The following PTPRG variants were observed in gnomAD, a reference collection of about 807,000 sequenced individuals.
The protein encoded by PTPRG is protein tyrosine phosphatase receptor type G, also known as receptor-type tyrosine-protein phosphatase gamma.
In PTPRG, 102 loss-of-function variants were observed where a neutral mutation model predicts 165.3. The ratio of observed to expected loss-of-function variants is 0.62; its 90% CI spans 0.53 to 0.73. The LOEUF is 0.73. Ranked by LOEUF, PTPRG falls within the 30% of genes least tolerant of loss-of-function variation. The probability of loss-of-function intolerance (pLI) is 0.00; values close to 1 mark genes in which losing one functional copy is unlikely to be tolerated. For synonymous variants in PTPRG, 675 were observed against 669.5 expected, an observed-to-expected ratio of 1.01 and a Z score of -0.13; for missense variants, 1,866 against 1,861.4, an observed-to-expected ratio of 1.00 and a Z score of -0.05.
At chr3:62,012,919 T>G (rs1335152368) in intron 4 of PTPRG, among the ~76,000 whole-genome samples, 2 of 152,222 alleles carry the variant, frequency 1.3e-5, no homozygotes, top group Non-Finnish European at 2.9e-5. Context: ...GGGTATACTT[T>G]TTATCTGGAT....
At chr3:61,959,433 C>T (rs1410374127) in intron 2 of PTPRG, among the ~76,000 whole-genome samples, 2 of 152,168 alleles carry the variant, frequency 1.3e-5, no homozygotes, top group African/African-American at 4.8e-5. Flanking sequence ...CTCAGATCAT[C>T]AGGCACGTGC....
chr3:61,703,457 G>A (rs951037718), intron 1 of PTPRG, among the ~76,000 whole-genome samples: 4 of 152,186 alleles, frequency 2.6e-5, no homozygotes, highest in African/African-American at 9.7e-5. Flanking sequence ...TCGTAGTATG[G>A]GCATTAATGG....
At chr3:61,969,088 G>A (rs1341630524) in intron 2 of PTPRG, among the ~76,000 whole-genome samples, 1 of 152,100 alleles carries the variant, frequency 6.6e-6, no homozygotes, top group Non-Finnish European at 1.5e-5. Flanking sequence ...CCTTATTATG[G>A]GAATGTAGTA....
chr3:62,196,221 G>T (rs1253735443), intron 10 of PTPRG, among the ~76,000 whole-genome samples: 1 of 151,456 alleles, frequency 6.6e-6, no homozygotes, highest in Non-Finnish European at 1.5e-5. Flanking sequence ...GTGAAACCCC[G>T]TCTCTACTAA....
chr3:61,905,737 G>A (rs189936135), intron 2 of PTPRG, among the ~76,000 whole-genome samples: 1 of 152,308 alleles, frequency 6.6e-6, no homozygotes, highest in Non-Finnish European at 1.5e-5. Context: ...TCTATGGTGG[G>A]ATAAACAGGG....
At chr3:62,129,807 C>G (rs1703447545) in intron 5 of PTPRG, among the ~76,000 whole-genome samples, 1 of 152,104 alleles carries the variant, frequency 6.6e-6, no homozygotes, top group Non-Finnish European at 1.5e-5. Flanking sequence ...ATCAGAGTAT[C>G]TGAGAAACAT....
intron 2 of PTPRG, among the ~76,000 whole-genome samples, chr3:61,765,688 T>C (rs929186107): frequency 2.0e-5 from 3 of 152,210 alleles, no homozygotes; most frequent in South Asian, 2.1e-4. Flanking sequence ...TCCAGCTTTT[T>C]GTCAAGTGTC....
At chr3:62,154,085 C>G (rs545575868) in intron 6 of PTPRG, among the ~76,000 whole-genome samples, 1 of 152,316 alleles carries the variant, frequency 6.6e-6, no homozygotes, top group African/African-American at 2.4e-5. Context: ...TGGACTAAAT[C>G]GATGGTTTTC....
intron 2 of PTPRG, among the ~76,000 whole-genome samples, chr3:61,881,457 C>A (rs912218407): frequency 1.3e-5 from 2 of 152,146 alleles, no homozygotes; most frequent in Admixed American, 6.5e-5. Flanking sequence ...AACACAGCAG[C>A]AATCGATGAA....
Position 62,224,162 on chromosome 3 carries a change from C to G in PTPRG, c.2288+5179C>G, listed in dbSNP as rs562554447. Among the ~76,000 whole-genome samples, 22 of 152,148 alleles carry G rather than the reference C, an allele frequency of 1.4e-4. No homozygotes were observed. Among genetic ancestry groups the G allele is most frequent in the African/African-American group, 4.8e-4 (20 of 41,496 alleles). On this transcript the variant is annotated intron_variant, in intron 13 of 29. Coordinates refer to ENST00000474889, the MANE Select transcript of PTPRG (RefSeq NM_002841.4). This position sits in a 1 kb window ranked among gnomAD's most constrained non-coding sequence, Gnocchi z 4.9. ...TAAATAACTGGGTTAAAGACATGAC[C>G]CCACTCCCACCCGCAACCCCAGGAA...
intron 2 of PTPRG, among the ~76,000 whole-genome samples, chr3:61,979,048 A>T (rs1446465092): frequency 3.3e-5 from 5 of 152,244 alleles, no homozygotes; most frequent in African/African-American, 1.2e-4. Context: ...AGAAGATAAA[A>T]TGTAGAAAGT....
At chr3:61,712,137 G>A (rs138761519) in intron 1 of PTPRG, among the ~76,000 whole-genome samples, 44 of 152,026 alleles carry the variant, frequency 2.9e-4, no homozygotes, top group African/African-American at 1.0e-3. Context: ...TAGGTGACCC[G>A]CCTGCCTTGG....
intron 1 of PTPRG, among the ~76,000 whole-genome samples, chr3:61,575,151 G>A (rs1337398877): frequency 1.3e-5 from 2 of 152,204 alleles, no homozygotes; most frequent in Non-Finnish European, 1.5e-5. Context: ...CACGTCAGTT[G>A]CTAGTGAAGT....
rs537785675 is a variant in PTPRG, at chr3:62,281,471, AGGGATG to A, written c.3766-89_3766-84del. ...AATTCAGTTTAAACGATGGCTTGAG[AGGGATG>A]GGAAATGACAAAATCCGTATGCAAG... is the stretch of plus-strand genomic sequence containing the variant. On this transcript the variant is annotated intron_variant, in intron 26 of 29. Coordinates refer to ENST00000474889, the MANE Select transcript of PTPRG (RefSeq NM_002841.4). 26 of 1,153,746 alleles carry A rather than the reference AGGGATG, an allele frequency of 2.3e-5. No homozygotes were observed. The Admixed American group carries it at 3.6e-4, about 16-fold the overall frequency. The allele number at this position is 1,153,746 out of a possible 1,614,324, so 71.5% of individuals were successfully genotyped here. A position where few individuals can be genotyped will look rare whatever the true frequency, so the allele number is the denominator to read the frequency against.
chr3:61,847,132 T>A (rs1290306943), intron 2 of PTPRG, among the ~76,000 whole-genome samples: 1 of 152,070 alleles, frequency 6.6e-6, no homozygotes, highest in African/African-American at 2.4e-5. Flanking sequence ...GAAATAAGGT[T>A]GCTACAGATA....
intron 2 of PTPRG, among the ~76,000 whole-genome samples, chr3:61,826,538 G>A (rs1206213754): frequency 1.3e-5 from 2 of 151,460 alleles, no homozygotes; most frequent in Non-Finnish European, 2.9e-5. Context: ...AAAAAAATCC[G>A]ATGTTTGTAC....
intron 1 of PTPRG, among the ~76,000 whole-genome samples, chr3:61,732,835 A>G (rs965896031): frequency 1.3e-5 from 2 of 152,246 alleles, no homozygotes; most frequent in Non-Finnish European, 1.5e-5. Flanking sequence ...CTGCTCAGTT[A>G]AAATGTGAAC....
At chr3:61,760,999 A>G (rs2033816029) in intron 2 of PTPRG, among the ~76,000 whole-genome samples, 1 of 152,154 alleles carries the variant, frequency 6.6e-6, no homozygotes, top group East Asian at 1.9e-4. Flanking sequence ...TTAGTCTATC[A>G]TTGATAGGCA....
intron 1 of PTPRG, among the ~76,000 whole-genome samples, chr3:61,652,166 G>A (rs1702371995): frequency 6.6e-6 from 1 of 152,042 alleles, no homozygotes; most frequent in South Asian, 2.1e-4. Flanking sequence ...AAATTAGCAG[G>A]GTATGGTGGT....
Sources: gnomAD v4.1 joint callset for allele counts (sites outside exome capture counted in the v4.1 genomes callset) on GRCh38, gnomAD v4.1.1 for gene constraint, Gnocchi (gnomAD v3.1) non-coding constraint, MANE v1.5 for transcripts, NCBI Gene and HGNC (gene_info 2026-07-23, HGNC 2026-07-21) for gene names.